Variants in CSMD1 observed in about 807,000 individuals in gnomAD.
CSMD1 encodes the protein CUB and Sushi multiple domains 1, also known as CUB and sushi domain-containing protein 1.
A neutral mutation model predicts 417.5 loss-of-function variants in CSMD1; 213 were observed. The ratio of observed to expected loss-of-function variants is 0.51; its 90% CI spans 0.46 to 0.57. The LOEUF (loss-of-function observed/expected upper bound fraction) is 0.57, where lower values mean the gene tolerates loss of function less well. Among genes scored for constraint, CSMD1 ranks in the 20% least tolerant of loss-of-function variants. The probability of loss-of-function intolerance (pLI) is 0.00; values close to 1 mark genes in which losing one functional copy is unlikely to be tolerated. For missense variants in CSMD1, 6,923 were observed against 4,529.7 expected (o/e 1.53, Z -15.17); for synonymous variants, 2,862 against 1,736.8 (o/e 1.65, Z -16.11).
chr8:3,819,390 A>T (rs1801586430), intron 5 of CSMD1, among the ~76,000 whole-genome samples: 2 of 152,102 alleles, frequency 1.3e-5, no homozygotes, highest in Non-Finnish European at 2.9e-5. Flanking sequence ...TTTGCTCCAG[A>T]AAGTCAAGTT....
At chr8:3,664,924 C>T (rs910371467) in intron 7 of CSMD1, among the ~76,000 whole-genome samples, 2 of 152,108 alleles carry the variant, frequency 1.3e-5, no homozygotes, top group Admixed American at 6.6e-5. Context: ...CTCAGGGTTT[C>T]ATTTTGTCTC....
At chr8:3,504,318 C>T (rs1346668837) in intron 10 of CSMD1, among the ~76,000 whole-genome samples, 1 of 152,162 alleles carries the variant, frequency 6.6e-6, no homozygotes, top group Non-Finnish European at 1.5e-5. Context: ...GGCTTTGCTG[C>T]TTACTCAACG....
intron 25 of CSMD1, among the ~76,000 whole-genome samples, chr8:3,304,765 A>G (rs1400363965): frequency 1.3e-5 from 2 of 152,134 alleles, no homozygotes; most frequent in Non-Finnish European, 2.9e-5. Flanking sequence ...TTAACAAAGT[A>G]TTAGATTCAC....
intron 2 of CSMD1, among the ~76,000 whole-genome samples, chr8:4,487,001 G>A (rs1442550479): frequency 6.6e-6 from 1 of 152,120 alleles, no homozygotes; most frequent in Non-Finnish European, 1.5e-5. Flanking sequence ...CTTCCACATC[G>A]AGGTGCTGAG....
intron 5 of CSMD1, among the ~76,000 whole-genome samples, chr8:3,912,510 A>G (rs1808529204): frequency 3.3e-5 from 5 of 152,176 alleles, no homozygotes; most frequent in Admixed American, 1.3e-4. Context: ...ATTGCATACA[A>G]TGGAAATACA....
chr8:3,452,261 A>G (rs1383893058), intron 12 of CSMD1, among the ~76,000 whole-genome samples: 1 of 152,166 alleles, frequency 6.6e-6, no homozygotes, highest in Non-Finnish European at 1.5e-5. Context: ...GTCATCTGGA[A>G]AAAGGGACAA....
chr8:4,767,882 T>G (rs1200389791), intron 1 of CSMD1, among the ~76,000 whole-genome samples: 3 of 152,064 alleles, frequency 2.0e-5, no homozygotes, highest in African/African-American at 7.2e-5. Flanking sequence ...TAGTTTACAG[T>G]GTAGGCACAT....
At chr8:4,272,733 T>C (rs1020677705) in intron 3 of CSMD1, among the ~76,000 whole-genome samples, 1 of 152,150 alleles carries the variant, frequency 6.6e-6, no homozygotes. Flanking sequence ...TGACTGTACA[T>C]TTTTCATTCT....
At position 3,148,231 on chromosome 8, in the gene CSMD1, C is replaced by T. The variant is rs532542768; in HGVS notation, c.6031+3166G>A. Among the ~76,000 whole-genome samples, 39 of 152,258 alleles carry T rather than the reference C, an allele frequency of 2.6e-4. 1 individual carries two copies. In the South Asian group the frequency reaches 7.1e-3, roughly 28 times the overall value. ...TCTGCTATATTCCCATTTTGTTTTA[C>T]GTAAAAACTTCTGGAGTGAGTGCTT... On this transcript the variant is annotated intron_variant, in intron 40 of 69. Transcript: ENST00000635120.
chr8:4,955,627 TG>T, intron 1 of CSMD1, among the ~76,000 whole-genome samples: 1 of 152,256 alleles, frequency 6.6e-6, no homozygotes, highest in East Asian at 1.9e-4. Context: ...GGCTAATTTT[TG>T]TATTTTTAAT....
chr8:4,050,044 G>C (rs926756607), intron 3 of CSMD1, among the ~76,000 whole-genome samples: 2 of 152,156 alleles, frequency 1.3e-5, no homozygotes, highest in South Asian at 2.1e-4. Flanking sequence ...ATATTCTGTG[G>C]AATGTCCCTC....
chr8:4,228,678 T>C (rs1212580863), intron 3 of CSMD1, among the ~76,000 whole-genome samples: 1 of 152,024 alleles, frequency 6.6e-6, no homozygotes, highest in Admixed American at 6.6e-5. Context: ...TTTTATTTTA[T>C]TCATTTATTA....
chr8:4,894,286 A>G (rs1056374852), intron 1 of CSMD1, among the ~76,000 whole-genome samples: 3 of 151,596 alleles, frequency 2.0e-5, no homozygotes, highest in Admixed American at 6.6e-5. Flanking sequence ...TGCTTTTTCA[A>G]ATTTATTGAA....
At chr8:3,976,959 C>A (rs1408380150) in intron 5 of CSMD1, among the ~76,000 whole-genome samples, 1 of 152,180 alleles carries the variant, frequency 6.6e-6, no homozygotes, top group South Asian at 2.1e-4. Flanking sequence ...GGGCATAGTA[C>A]ACATGTCACA....
intron 33 of CSMD1, among the ~76,000 whole-genome samples, chr8:3,194,231 T>C (rs1373835903): frequency 6.6e-6 from 1 of 152,102 alleles, no homozygotes. Flanking sequence ...AGCCATATAA[T>C]TCATGCCCTC....
intron 10 of CSMD1, among the ~76,000 whole-genome samples, chr8:3,566,060 T>C (rs1585379484): frequency 6.6e-6 from 1 of 152,134 alleles, no homozygotes. Flanking sequence ...ACCCTGTTTA[T>C]ATCTTTCTGA....
At chr8:4,852,709 T>C (rs988643923) in intron 1 of CSMD1, among the ~76,000 whole-genome samples, 4 of 152,082 alleles carry the variant, frequency 2.6e-5, no homozygotes, top group African/African-American at 4.8e-5. Context: ...GAGGGAAAGT[T>C]TGGAGATCCT....
intron 2 of CSMD1, among the ~76,000 whole-genome samples, chr8:4,433,751 C>G (rs1388633178): frequency 6.6e-6 from 1 of 152,078 alleles, no homozygotes; most frequent in Non-Finnish European, 1.5e-5. Flanking sequence ...TTTCCTACAC[C>G]TTTATGAATT....
chr8:3,644,198 G>C (rs1442543965), intron 7 of CSMD1, among the ~76,000 whole-genome samples: 3 of 152,148 alleles, frequency 2.0e-5, no homozygotes, highest in East Asian at 1.9e-4. Context: ...TCTAGGGGCG[G>C]GGCTCAGAAA....
Sources: gnomAD v4.1 joint callset for allele counts (sites outside exome capture counted in the v4.1 genomes callset) on GRCh38, gnomAD v4.1.1 for gene constraint, MANE v1.5 for transcripts, NCBI Gene and HGNC (gene_info 2026-07-23, HGNC 2026-07-21) for gene names.